Variants in LRRC75A observed in about 807,000 individuals in gnomAD.
The protein encoded by LRRC75A is leucine-rich repeat-containing protein 75A.
In LRRC75A, 12 loss-of-function variants were observed where a neutral mutation model predicts 26.0. That is an observed-to-expected ratio of 0.46 (90% CI 0.30 to 0.75). LRRC75A has a LOEUF of 0.75. Ranked by LOEUF, LRRC75A falls within the 30% of genes least tolerant of loss-of-function variation. The pLI, the probability that LRRC75A is intolerant of heterozygous loss-of-function variation, is 0.08. For synonymous variants in LRRC75A, 223 were observed against 219.3 expected (o/e 1.02, Z -0.15); for missense variants, 410 against 486.6 (o/e 0.84, Z 1.48).
rs2093858192 is a variant in LRRC75A, at chr17:16,491,853, C to G, written c.138G>C (p.Ala46=). 7.2e-7 allele frequency: 1 copy of G among 1,393,528 alleles called. No homozygotes were observed. Among genetic ancestry groups the G allele is most frequent in the African/African-American group, 1.5e-5 (1 of 66,736 alleles). The allele number at this position is 1,393,528 out of a possible 1,614,324, so 86.3% of individuals were successfully genotyped here. The change falls in exon 1 of 4, where the codon GCG becomes GCC. Residue 46 remains alanine (A), a synonymous_variant. Coordinates refer to ENST00000470794, the MANE Select transcript of LRRC75A (RefSeq NM_001113567.3). The surrounding 1 kb of genome is among the most constrained non-coding windows in gnomAD (Gnocchi z 5.9). ...RAGDKAGRAG[A]GMPPYHRRVG... ...CTCGCCGGTGGTAGGGGGGCATCCCCGCGCCCGCGCGCCCCGCCTTGTCCC... is the reference window on the plus strand; with the variant it reads ...CTCGCCGGTGGTAGGGGGGCATCCCGGCGCCCGCGCGCCCCGCCTTGTCCC...
chr17:16,447,494 C>T (rs763668957), intron 3 of LRRC75A, among the ~76,000 whole-genome samples: 2 of 152,066 alleles, frequency 1.3e-5, no homozygotes, highest in Non-Finnish European at 2.9e-5. Context: ...TACAGGGTTT[C>T]GCCACATTGG....
At position 16,443,519 on chromosome 17, in the gene LRRC75A, C is replaced by T. The variant is rs113933382; in HGVS notation, c.*69G>A. On this transcript the variant is annotated 3_prime_UTR_variant, in exon 4 of 4. Coordinates refer to ENST00000470794, the MANE Select transcript of LRRC75A (RefSeq NM_001113567.3). ...TCCTTAACCCACCTGATAGGAGAAG[C>T]GCCCTCCCCTGCCTGCCTTGCCCAT... is the stretch of plus-strand genomic sequence containing the variant. The T allele has an allele frequency of 2.9e-5, 40 of 1,377,708 alleles. No individual in the cohort carries two copies. The highest frequency in any genetic ancestry group is 2.5e-4 in the Middle Eastern group (1 of 3,922). 85.3% of individuals were successfully genotyped at this position (1,377,708 alleles called of 1,614,324 possible). A position where few individuals can be genotyped will look rare whatever the true frequency, so the allele number is the denominator to read the frequency against.
chr17:16,456,210 GA>G, intron 2 of LRRC75A, among the ~76,000 whole-genome samples: 1 of 110,104 alleles, frequency 9.1e-6, no homozygotes, highest in Non-Finnish European at 1.9e-5. Context: ...GGAAGAGGAG[GA>G]GGAAGAGGAG....
intron 2 of LRRC75A, among the ~76,000 whole-genome samples, chr17:16,455,188 C>T (rs943704388): frequency 6.6e-6 from 1 of 152,176 alleles, no homozygotes; most frequent in African/African-American, 2.4e-5. Context: ...CTGCCTCGGC[C>T]TCCCAAAGTG....
chr17:16,467,027 G>A (rs947522572), intron 1 of LRRC75A, among the ~76,000 whole-genome samples: 60 of 152,292 alleles, frequency 3.9e-4, no homozygotes, highest in African/African-American at 1.4e-3. Flanking sequence ...TCTGATAGCC[G>A]TCTTCTAGAA....
chr17:16,472,282 A>C (rs1319774196), intron 1 of LRRC75A, among the ~76,000 whole-genome samples: 146 of 152,166 alleles, frequency 9.6e-4, no homozygotes, highest in Non-Finnish European at 1.0e-4. Context: ...GGTGCCACTA[A>C]GTAGCTACAA....
intron 1 of LRRC75A, among the ~76,000 whole-genome samples, chr17:16,481,540 A>T (rs529322872): frequency 6.6e-6 from 1 of 152,300 alleles, no homozygotes; most frequent in African/African-American, 2.4e-5. Context: ...GCCCTTCCAT[A>T]GGAATGCAGA....
rs1166386041 is a variant in LRRC75A at position 16,441,687 on chromosome 17, C to T, written c.*1901G>A. 3.5e-6 allele frequency: 1 copy of T among 288,898 alleles called. No homozygotes were observed. The highest frequency in any genetic ancestry group is 6.9e-6 in the Non-Finnish European group (1 of 145,110). The allele number at this position is 288,898 out of a possible 1,614,324, so 17.9% of individuals were successfully genotyped here. On this transcript the variant is annotated 3_prime_UTR_variant, in exon 4 of 4. Transcript: ENST00000470794. ...CACCCAGGCCTAAGCAATCCTCCCA[C>T]CTTGTAGCTGGGACTACAGCTCACA... is the stretch of plus-strand genomic sequence containing the variant.
chr17:16,476,127 G>T (rs1032821513), intron 1 of LRRC75A, among the ~76,000 whole-genome samples: 1 of 152,114 alleles, frequency 6.6e-6, no homozygotes, highest in African/African-American at 2.4e-5. Context: ...TCCGGGAGGC[G>T]GAGCTTGCAG....
Position 16,462,194 on chromosome 17 carries a change from C to T in LRRC75A, c.375+64G>A. ...AGTCCTCCTTGGGCATACAGCTGCTCTGCCCAGAAAGGCACCCACCGCACA... is the reference window on the plus strand; with the variant it reads ...AGTCCTCCTTGGGCATACAGCTGCTTTGCCCAGAAAGGCACCCACCGCACA... On this transcript the variant is annotated intron_variant, in intron 2 of 3. Transcript: ENST00000470794. This position sits in a 1 kb window ranked among gnomAD's most constrained non-coding sequence, Gnocchi z 4.6. The T allele has an allele frequency of 6.3e-7, 1 of 1,594,652 alleles. No individual in the cohort carries two copies. Among genetic ancestry groups the T allele is most frequent in the Non-Finnish European group, 8.6e-7 (1 of 1,168,922 alleles).
intron 2 of LRRC75A, among the ~76,000 whole-genome samples, chr17:16,457,035 A>T (rs2093691000): frequency 6.6e-6 from 1 of 152,142 alleles, no homozygotes; most frequent in Admixed American, 6.5e-5. Flanking sequence ...TTAATCTGTC[A>T]GGAAAGATGA....
Position 16,453,311 on chromosome 17 carries a change from C to T in LRRC75A, c.376-5351G>A, listed in dbSNP as rs2093649211. Among the ~76,000 whole-genome samples, 3 of 48,230 alleles carry T rather than the reference C, an allele frequency of 6.2e-5. No homozygotes were observed. The South Asian group carries it at 1.6e-3, about 26-fold the overall frequency. 31.6% of individuals were successfully genotyped at this position (48,230 alleles called of 152,430 possible). Reference sequence around the variant, plus strand: ...TGGGACTCCTAAACACACACACACACGCACACACGCACACACGCACACGCA... The same window carrying T: ...TGGGACTCCTAAACACACACACACATGCACACACGCACACACGCACACGCA... On this transcript the variant is annotated intron_variant, in intron 2 of 3. Coordinates refer to ENST00000470794, the MANE Select transcript of LRRC75A (RefSeq NM_001113567.3).
chr17:16,486,400 GGCT>G (rs369958112), intron 1 of LRRC75A, among the ~76,000 whole-genome samples: 76 of 152,296 alleles, frequency 5.0e-4, no homozygotes, highest in African/African-American at 1.6e-3. Flanking sequence ...CCACTACAGA[GGCT>G]GCTATTTCCC....
chr17:16,491,873 T>G lies in LRRC75A; in HGVS notation c.118A>C (p.Lys40Gln). The G allele has an allele frequency of 7.3e-7, 1 of 1,374,956 alleles. No homozygotes were observed. The highest frequency in any genetic ancestry group is 9.4e-7 in the Non-Finnish European group (1 of 1,060,108). 85.2% of individuals were successfully genotyped at this position (1,374,956 alleles called of 1,614,324 possible). The stretch of plus-strand genomic sequence containing the variant: ...ATCCCCGCGCCCGCGCGCCCCGCCT[T>G]GTCCCCGGCGCGCAGCAGCAGCGAC... ...WASLLLRAGD[K>Q]AGRAGAGMPP... The change falls in exon 1 of 4, where the codon AAG becomes CAG. Residue 40 changes from lysine to glutamine, a missense_variant. Lys to Gln is a moderately conservative substitution (Grantham distance 53, BLOSUM62 1). Transcript: ENST00000470794. The surrounding 1 kb of genome is among the most constrained non-coding windows in gnomAD (Gnocchi z 5.9).
At chr17:16,477,025 A>G (rs2093822598) in intron 1 of LRRC75A, among the ~76,000 whole-genome samples, 1 of 151,088 alleles carries the variant, frequency 6.6e-6, no homozygotes. Context: ...GGCGTGAGCC[A>G]CTGCGCCCGG....
At chr17:16,453,501 A>C (rs1312147831) in intron 2 of LRRC75A, among the ~76,000 whole-genome samples, 1 of 152,178 alleles carries the variant, frequency 6.6e-6, no homozygotes, top group Non-Finnish European at 1.5e-5. Flanking sequence ...CACTGGCTAG[A>C]CAGGAACAAT....
At chr17:16,456,780 T>C (rs969688110) in intron 2 of LRRC75A, among the ~76,000 whole-genome samples, 15 of 152,214 alleles carry the variant, frequency 9.9e-5, no homozygotes, top group Non-Finnish European at 1.9e-4. Context: ...ACACATTTTC[T>C]TCCTTGCTGG....
intron 1 of LRRC75A, among the ~76,000 whole-genome samples, chr17:16,478,912 T>G (rs2093827204): frequency 6.6e-6 from 1 of 152,318 alleles, no homozygotes; most frequent in East Asian, 1.9e-4. Context: ...CTAAATCGAC[T>G]GGAGTGACTA....
At chr17:16,471,080 T>C (rs2093804386) in intron 1 of LRRC75A, among the ~76,000 whole-genome samples, 1 of 152,184 alleles carries the variant, frequency 6.6e-6, no homozygotes, top group African/African-American at 2.4e-5. Flanking sequence ...AAAAAGGGTC[T>C]TCACACACAG....
Sources: allele counts gnomAD v4.1 joint callset (sites outside exome capture counted in the v4.1 genomes callset), GRCh38; gene constraint gnomAD v4.1.1; non-coding constraint Gnocchi (gnomAD v3.1); transcripts MANE v1.5; gene names NCBI Gene and HGNC (gene_info 2026-07-23, HGNC 2026-07-21).